BLVRA: variants seen among roughly 807,000 people sequenced by gnomAD.
The protein encoded by BLVRA is biliverdin reductase A, also known as BVR A.
A neutral mutation model predicts 32.8 loss-of-function variants in BLVRA; 22 were observed. The ratio of observed to expected loss-of-function variants is 0.67; its 90% CI spans 0.48 to 0.96. BLVRA has a LOEUF of 0.96. BLVRA is among the 40% of genes least tolerant of loss of function. The pLI, the probability that BLVRA is intolerant of heterozygous loss-of-function variation, is 0.00. For missense variants in BLVRA, 323 were observed against 358.1 expected, an observed-to-expected ratio of 0.90 and a Z score of 0.79; for synonymous variants, 119 against 141.3, an observed-to-expected ratio of 0.84 and a Z score of 1.12.
At position 43,760,742 on chromosome 7, in the gene BLVRA, C is replaced by T. The variant is rs1250811456; in HGVS notation, c.-22+2008C>T. On this transcript the variant is annotated intron_variant, in intron 1 of 7. Transcript: ENST00000265523. ...ATATAGTGCCTTTGTGACAGGGGAG[C>T]TTAGTTCCTGACAATGTCCTCTTGA... Among the ~76,000 whole-genome samples, 14 of 147,346 alleles carry T rather than the reference C, an allele frequency of 9.5e-5. 1 individual carries two copies. The highest frequency in any genetic ancestry group is 9.5e-4 in the Admixed American group (14 of 14,750).
intron 4 of BLVRA, 65 bp from the exon 5 acceptor site, chr7:43,792,650 T>C (rs1162683387): frequency 7.0e-7 from 1 of 1,429,514 alleles, no homozygotes; most frequent in Non-Finnish European, 9.8e-7. Flanking sequence ...TTCTCTATTA[T>C]GCAGAGCATT....
At chr7:43,783,598 C>T (rs1031273764) in intron 2 of BLVRA, among the ~76,000 whole-genome samples, 2 of 152,120 alleles carry the variant, frequency 1.3e-5, no homozygotes, top group African/African-American at 4.8e-5. Context: ...TTGTTATAAG[C>T]AAGGCTGCAG....
At chr7:43,789,190 G>C (rs1046724989) in intron 3 of BLVRA, among the ~76,000 whole-genome samples, 2 of 152,164 alleles carry the variant, frequency 1.3e-5, no homozygotes, top group African/African-American at 4.8e-5. Flanking sequence ...ACTGGGCTGG[G>C]CCTGAAGACA....
chr7:43,801,513 G>T (rs2095798659), intron 6 of BLVRA, among the ~76,000 whole-genome samples: 1 of 152,130 alleles, frequency 6.6e-6, no homozygotes, highest in South Asian at 2.1e-4. Flanking sequence ...TGGCATTTTT[G>T]CACGGTAAAG....
chr7:43,772,247 G>A (rs1459640940), intron 2 of BLVRA, among the ~76,000 whole-genome samples: 1 of 152,216 alleles, frequency 6.6e-6, no homozygotes, highest in Non-Finnish European at 1.5e-5. Flanking sequence ...GTGCCCATGT[G>A]GCAGCAAGAT....
chr7:43,795,062 T>G (rs989636418), intron 5 of BLVRA, among the ~76,000 whole-genome samples: 2 of 151,694 alleles, frequency 1.3e-5, no homozygotes, highest in African/African-American at 4.8e-5. Flanking sequence ...AATACAAAAA[T>G]TAGCTGGGCC....
chr7:43,804,693 T>C (rs1167931902), intron 7 of BLVRA, among the ~76,000 whole-genome samples: 1 of 152,192 alleles, frequency 6.6e-6, no homozygotes, highest in Non-Finnish European at 1.5e-5. Context: ...GTCACACTGT[T>C]CCCAAAACAT....
At chr7:43,774,789 T>C (rs1181575) in intron 2 of BLVRA, among the ~76,000 whole-genome samples, 1,923 of 152,326 alleles carry the variant, frequency 0.013, 54 homozygotes, top group African/African-American at 0.044. Context: ...TGTTCTTCCA[T>C]TTGTTTGTAT....
Position 43,787,983 on chromosome 7 carries a change from A to G in BLVRA, c.92A>G (p.His31Arg). Residue 31 changes from histidine to arginine, a missense_variant, in exon 3 of 8, where the codon CAC becomes CGC. His to Arg is a conservative substitution (Grantham distance 29). Transcript: ENST00000265523. This position sits in a 1 kb window ranked among gnomAD's most constrained non-coding sequence, Gnocchi z 4.5. ...CGGATGAGGGACTTGCGGAATCCAC[A>G]CCCTTCCTCAGCGTTCCTGAACCTG... is the stretch of plus-strand genomic sequence containing the variant. ...SVRMRDLRNP[H>R]PSSAFLNLIG... The G allele has an allele frequency of 6.2e-7, 1 of 1,613,844 alleles. No individual in the cohort carries two copies. The highest frequency in any genetic ancestry group is 8.5e-7 in the Non-Finnish European group (1 of 1,179,966).
At chr7:43,805,227 G>A (rs17246114) in intron 7 of BLVRA, among the ~76,000 whole-genome samples, 2 of 151,906 alleles carry the variant, frequency 1.3e-5, no homozygotes, top group South Asian at 4.1e-4. Flanking sequence ...TTGAAGTTGA[G>A]TAGAAGTCAA....
intron 6 of BLVRA, among the ~76,000 whole-genome samples, chr7:43,801,239 C>T (rs1357291858): frequency 2.0e-5 from 3 of 152,144 alleles, no homozygotes; most frequent in Non-Finnish European, 4.4e-5. Flanking sequence ...TCAAGTGATC[C>T]ACCTGTCTTG....
At chr7:43,797,213 G>A (rs753028054) in intron 5 of BLVRA, among the ~76,000 whole-genome samples, 10 of 152,218 alleles carry the variant, frequency 6.6e-5, no homozygotes, top group Non-Finnish European at 1.5e-4. Flanking sequence ...TCAGCCACCT[G>A]AGTAACTGGG....
chr7:43,802,294 T>TA (rs886281839), intron 6 of BLVRA, among the ~76,000 whole-genome samples: 1 of 152,220 alleles, frequency 6.6e-6, no homozygotes, highest in African/African-American at 2.4e-5. Context: ...ATATATAACT[T>TA]ATTACTTTTT....
chr7:43,779,273 G>A (rs1045050111), intron 2 of BLVRA, among the ~76,000 whole-genome samples: 6 of 152,300 alleles, frequency 3.9e-5, no homozygotes, highest in South Asian at 2.1e-4. Context: ...GTTCCTATTC[G>A]GCCATCTTGG....
chr7:43,771,505 C>G (rs765074378), intron 2 of BLVRA, among the ~76,000 whole-genome samples: 1 of 152,240 alleles, frequency 6.6e-6, no homozygotes, highest in Non-Finnish European at 1.5e-5. Flanking sequence ...TGCATTGTCT[C>G]CTTGGTGCTC....
chr7:43,778,561 T>G (rs989035535), intron 2 of BLVRA, among the ~76,000 whole-genome samples: 5 of 152,242 alleles, frequency 3.3e-5, no homozygotes, highest in African/African-American at 1.2e-4. Context: ...GGTGTCAGTC[T>G]GCCCCTACTT....
At chr7:43,773,744 C>T (rs2095757282) in intron 2 of BLVRA, among the ~76,000 whole-genome samples, 1 of 152,364 alleles carries the variant, frequency 6.6e-6, no homozygotes, top group African/African-American at 2.4e-5. Context: ...AACTAGTTTA[C>T]AGTCACACCA....
chr7:43,802,383 G>A (rs2095799588), intron 6 of BLVRA, among the ~76,000 whole-genome samples: 1 of 152,146 alleles, frequency 6.6e-6, no homozygotes, highest in Admixed American at 6.5e-5. Flanking sequence ...ATAATGTAAT[G>A]TAACAGATAT....
At chr7:43,792,567 C>T in intron 4 of BLVRA, 148 bp from the exon 5 acceptor site, 1 of 731,388 alleles carries the variant, frequency 1.4e-6, no homozygotes, top group South Asian at 1.5e-5. Flanking sequence ...CCTCCATATC[C>T]CGTGGCACTG....
Sources: gnomAD v4.1 joint callset for allele counts (sites outside exome capture counted in the v4.1 genomes callset) on GRCh38, gnomAD v4.1.1 for gene constraint, Gnocchi (gnomAD v3.1) non-coding constraint, MANE v1.5 for transcripts, NCBI Gene and HGNC (gene_info 2026-07-23, HGNC 2026-07-21) for gene names.